Variants in TENM4 observed in about 807,000 individuals in gnomAD.
TENM4 encodes the protein teneurin-4.
In TENM4, 82 loss-of-function variants were observed where a neutral mutation model predicts 243.3. The observed-to-expected ratio is 0.34, with a 90% CI of 0.28 to 0.40. The LOEUF is 0.40. Ranked by LOEUF, TENM4 falls within the 10% of genes least tolerant of loss-of-function variation. TENM4 has a pLI of 1.00. For missense variants in TENM4, 3,138 were observed against 3,673.3 expected, an observed-to-expected ratio of 0.85 and a Z score of 3.77; for synonymous variants, 1,412 against 1,456.3, an observed-to-expected ratio of 0.97 and a Z score of 0.69.
At chr11:78,894,637 C>T (rs981635020) in intron 7 of TENM4, among the ~76,000 whole-genome samples, 1 of 152,150 alleles carries the variant, frequency 6.6e-6, no homozygotes, top group Non-Finnish European at 1.5e-5. Context: ...CACTCATGCT[C>T]ATGTGCATAT....
At chr11:78,694,758 G>A (rs1479554757) in intron 28 of TENM4, among the ~76,000 whole-genome samples, 2 of 152,148 alleles carry the variant, frequency 1.3e-5, no homozygotes, top group African/African-American at 4.8e-5. Flanking sequence ...GCTCACTTCT[G>A]GTTAAGCTAA....
At chr11:79,146,968 C>T (rs1380096006) in intron 4 of TENM4, among the ~76,000 whole-genome samples, 1 of 152,110 alleles carries the variant, frequency 6.6e-6, no homozygotes, top group Non-Finnish European at 1.5e-5. Flanking sequence ...GATTCACACA[C>T]ATATGCACAA....
chr11:79,393,053 T>C (rs1314337233), intron 1 of TENM4, among the ~76,000 whole-genome samples: 1 of 152,196 alleles, frequency 6.6e-6, no homozygotes, highest in Admixed American at 6.5e-5. Flanking sequence ...CCCCTTTTCG[T>C]GCCTCTTCTG....
intron 1 of TENM4, among the ~76,000 whole-genome samples, chr11:79,401,228 C>A (rs953072913): frequency 3.3e-5 from 5 of 152,118 alleles, no homozygotes; most frequent in Admixed American, 2.6e-4. Flanking sequence ...ATGTATTGAG[C>A]AGTTATGTAT....
intron 27 of TENM4, among the ~76,000 whole-genome samples, chr11:78,704,462 C>T (rs923750475): frequency 6.6e-5 from 10 of 151,930 alleles, no homozygotes; most frequent in African/African-American, 2.4e-4. Context: ...CAACTGAGAA[C>T]TGGCTAAATA....
intron 4 of TENM4, among the ~76,000 whole-genome samples, chr11:79,111,638 G>C (rs191135763): frequency 1.3e-5 from 2 of 152,320 alleles, no homozygotes; most frequent in African/African-American, 4.8e-5. Context: ...TTTGTCAGAA[G>C]TGTGAAAACA....
chr11:79,012,058 GC>G (rs1196095548), intron 6 of TENM4, among the ~76,000 whole-genome samples: 1 of 152,202 alleles, frequency 6.6e-6, no homozygotes, highest in Non-Finnish European at 1.5e-5. Flanking sequence ...AATCCACGTT[GC>G]CAGCCCTGGG....
rs116501793 is a variant in TENM4 at position 79,430,245 on chromosome 11, G to C, written c.-321+10264C>G. On this transcript the variant is annotated intron_variant, in intron 1 of 33. Transcript: ENST00000278550. ...GGAATGTCTGCTTTATTTATTCCTT[G>C]AGAGGAACAAGTAGCAAGGCTGGGA... Among the ~76,000 whole-genome samples the C allele has an allele frequency of 2.5e-3, 384 of 151,872 alleles. 3 individuals carry two copies. Among genetic ancestry groups the C allele is most frequent in the African/African-American group, 8.8e-3 (366 of 41,404 alleles).
At chr11:78,937,211 C>A (rs1346427672) in intron 6 of TENM4, among the ~76,000 whole-genome samples, 1 of 152,130 alleles carries the variant, frequency 6.6e-6, no homozygotes. Flanking sequence ...TAGATACCCA[C>A]TCTCCCAGTG....
intron 1 of TENM4, among the ~76,000 whole-genome samples, chr11:79,328,185 C>A (rs1446605132): frequency 6.6e-6 from 1 of 152,216 alleles, no homozygotes; most frequent in African/African-American, 2.4e-5. Flanking sequence ...TTTGCATAGA[C>A]AATCACCTTC....
intron 4 of TENM4, among the ~76,000 whole-genome samples, chr11:79,138,423 T>TG (rs1165812864): frequency 8.7e-6 from 1 of 114,498 alleles, no homozygotes; most frequent in African/African-American, 3.6e-5. Flanking sequence ...ATATATTATA[T>TG]TATATATAAA....
chr11:78,890,432 G>A (rs1291402019), intron 8 of TENM4, among the ~76,000 whole-genome samples: 1 of 152,184 alleles, frequency 6.6e-6, no homozygotes, highest in Non-Finnish European at 1.5e-5. Context: ...GTGTACCCTG[G>A]AGATAATGAG....
chr11:79,408,777 G>A (rs534541282), intron 1 of TENM4, among the ~76,000 whole-genome samples: 2 of 152,294 alleles, frequency 1.3e-5, no homozygotes, highest in Admixed American at 1.3e-4. Context: ...GAAGGCATAT[G>A]CAGTGGAAAC....
Position 78,843,294 on chromosome 11 carries a change from A to G in TENM4, c.1681+10810T>C, listed in dbSNP as rs547155862. ...ACTCTGTCTCAAAAACATAAAAATA[A>G]ACATAGAGAGATCCTACTTCTACAA... On this transcript the variant is annotated intron_variant, in intron 12 of 33. Transcript: ENST00000278550. Among the ~76,000 whole-genome samples, 8 of 152,214 alleles carry G rather than the reference A, an allele frequency of 5.3e-5. No homozygotes were observed. In the East Asian group the frequency reaches 1.5e-3, roughly 29 times the overall value.
chr11:78,689,486 A>T (rs1192156136), intron 28 of TENM4, among the ~76,000 whole-genome samples: 3 of 143,606 alleles, frequency 2.1e-5, no homozygotes, highest in Non-Finnish European at 4.6e-5. Flanking sequence ...TTTTTTTTTT[A>T]AACTGTTTTG....
chr11:79,109,354 C>T (rs955700894), intron 4 of TENM4, among the ~76,000 whole-genome samples: 1 of 152,160 alleles, frequency 6.6e-6, no homozygotes, highest in Admixed American at 6.5e-5. Context: ...CAGAGGCAGC[C>T]AGGTGAGGGG....
intron 12 of TENM4, among the ~76,000 whole-genome samples, chr11:78,825,874 A>G (rs1285064187): frequency 6.6e-6 from 1 of 152,132 alleles, no homozygotes; most frequent in African/African-American, 2.4e-5. Context: ...AAAACACTCA[A>G]CTCAGCTGCT....
intron 9 of TENM4, among the ~76,000 whole-genome samples, chr11:78,872,748 T>C (rs191638492): frequency 4.5e-4 from 69 of 152,338 alleles, no homozygotes; most frequent in African/African-American, 1.5e-3. Context: ...TTTCCATAGC[T>C]ACAAGAAAAT....
chr11:79,129,940 A>G (rs1446946932), intron 4 of TENM4, among the ~76,000 whole-genome samples: 4 of 152,124 alleles, frequency 2.6e-5, no homozygotes, highest in Non-Finnish European at 5.9e-5. Context: ...CCACCAAAAT[A>G]CAGCATTAAA....
Sources: gnomAD v4.1 joint callset for allele counts (sites outside exome capture counted in the v4.1 genomes callset) on GRCh38, gnomAD v4.1.1 for gene constraint, MANE v1.5 for transcripts, NCBI Gene and HGNC (gene_info 2026-07-23, HGNC 2026-07-21) for gene names.